Variants in COL4A4 observed in about 807,000 individuals in gnomAD.
COL4A4 encodes collagen type IV alpha 4 chain.
In COL4A4, 105 loss-of-function variants were observed where a neutral mutation model predicts 192.9. The ratio of observed to expected loss-of-function variants is 0.54; its 90% CI spans 0.46 to 0.64. The LOEUF is 0.64. Among genes scored for constraint, COL4A4 ranks in the 30% least tolerant of loss-of-function variants. The probability of loss-of-function intolerance (pLI) is 0.00; values close to 1 mark genes in which losing one functional copy is unlikely to be tolerated. For missense variants in COL4A4, 1,967 were observed against 2,169.3 expected (o/e 0.91, Z 1.85); for synonymous variants, 762 against 769.9 (o/e 0.99, Z 0.17).
chr2:227,161,691 TG>T (rs1187881870), intron 1 of COL4A4, among the ~76,000 whole-genome samples: 1 of 152,172 alleles, frequency 6.6e-6, no homozygotes, highest in Non-Finnish European at 1.5e-5. Flanking sequence ...TTGGTGAATG[TG>T]GGATCTGATT....
intron 25 of COL4A4, among the ~76,000 whole-genome samples, chr2:227,076,375 A>G (rs1365922841): frequency 1.3e-5 from 2 of 152,194 alleles, no homozygotes; most frequent in African/African-American, 2.4e-5. Context: ...ACCTGATAAA[A>G]ACAAGCTATG....
In COL4A4 at chr2:227,043,169, G is replaced by A; in HGVS notation, c.3305C>T (p.Ser1102Phe). ...AATACCAGGCAAGCCCTGCTCTCCG[G>A]ATGCTCCAAAATGCCCTAAAGAAGG... ...SPGCPGHFGA[S>F]GEQGLPGIQG... The change falls in exon 36 of 48, where the codon TCC (serine) becomes TTC (phenylalanine). Residue 1102 changes from serine to phenylalanine, a missense_variant. Coordinates refer to ENST00000396625, the MANE Select transcript of COL4A4 (RefSeq NM_000092.5). 1 of 1,614,108 alleles carries A rather than the reference G, an allele frequency of 6.2e-7. No homozygotes were observed. The highest frequency in any genetic ancestry group is 8.5e-7 in the Non-Finnish European group (1 of 1,179,970).
intron 4 of COL4A4, among the ~76,000 whole-genome samples, chr2:227,131,850 G>A (rs2062493699): frequency 1.3e-5 from 2 of 152,290 alleles, no homozygotes; most frequent in South Asian, 4.1e-4. Flanking sequence ...GGCACAGACT[G>A]AAGTGAGGCC....
At chr2:226,977,980 A>G in the COL4A4 span, among the ~76,000 whole-genome samples, 7 of 152,258 alleles carry the variant, frequency 4.6e-5, no homozygotes, top group African/African-American at 9.6e-5. Context: ...TCTTTTCTCT[A>G]TAGTATTTAA....
chr2:227,030,461 C>A lies in COL4A4; in HGVS notation c.3955G>T (p.Gly1319Ter). Residue 1319 changes from glycine to a stop codon, truncating the protein, a stop_gained, in exon 41 of 48, where the codon GGA becomes TGA. Transcript: ENST00000396625. LOFTEE classifies it high-confidence loss of function. ...PGYKGFPGCD[G>*]KDGQKGPVGF... ...TTCATACCTTTCTGGCCATCTTTTCCATCACATCCTGGAAAGCCTTTGTAT... is the reference window on the plus strand; with the variant it reads ...TTCATACCTTTCTGGCCATCTTTTCAATCACATCCTGGAAAGCCTTTGTAT... The A allele has an allele frequency of 1.9e-6, 3 of 1,614,108 alleles. No individual in the cohort carries two copies. The highest frequency in any genetic ancestry group is 2.2e-5 in the South Asian group (2 of 91,074).
chr2:227,065,562 T>G (rs993038401), intron 25 of COL4A4, among the ~76,000 whole-genome samples: 47 of 152,230 alleles, frequency 3.1e-4, no homozygotes, highest in African/African-American at 1.0e-3. Context: ...CTCAAGTGGG[T>G]CCCTGACCCC....
Position 227,031,939 on chromosome 2 carries a change from T to A in COL4A4, c.3817+6A>T. ...ACTGCCATCCTTTGTCATGATTCTC[T>A]CATACCTCTTGGGCCATCAGGACCA... is the stretch of plus-strand genomic sequence containing the variant. On this transcript the variant is annotated splice_donor_region_variant and intron_variant, in intron 40 of 47. Coordinates refer to ENST00000396625, the MANE Select transcript of COL4A4 (RefSeq NM_000092.5). 1 of 1,597,466 alleles carries A rather than the reference T, an allele frequency of 6.3e-7. No homozygotes were observed. Among genetic ancestry groups the A allele is most frequent in the Non-Finnish European group, 8.6e-7 (1 of 1,165,070 alleles).
At chr2:227,074,779 T>C (rs2058926803) in intron 25 of COL4A4, among the ~76,000 whole-genome samples, 1 of 152,134 alleles carries the variant, frequency 6.6e-6, no homozygotes, top group Admixed American at 6.6e-5. Flanking sequence ...GAGGCCATAA[T>C]TATAAATGAA....
intron 4 of COL4A4, among the ~76,000 whole-genome samples, chr2:227,126,771 CTAATT>C (rs2062115089): frequency 6.6e-6 from 1 of 152,194 alleles, no homozygotes; most frequent in South Asian, 2.1e-4. Context: ...GTTAGTTCAC[CTAATT>C]TGAGTAAATA....
At chr2:227,121,304 G>A (rs749091460) in intron 4 of COL4A4, among the ~76,000 whole-genome samples, 156 bp from the exon 5 acceptor site, 9 of 152,170 alleles carry the variant, frequency 5.9e-5, no homozygotes, top group Non-Finnish European at 8.8e-5. Flanking sequence ...GCTCACACCT[G>A]TAATCCCAGC....
chr2:227,101,529 C>A lies in COL4A4; in HGVS notation c.1004G>T (p.Gly335Val). The stretch of plus-strand genomic sequence containing the variant: ...CTTTGGGCCAATTAATCCAAATAGC[C>A]CAGGATCTCCAACCAGTCCTAGTTC... ...KGELGLVGDP[G>V]LFGLIGPKGD... The change falls in exon 17 of 48, where the codon GGG becomes GTG. Residue 335 changes from glycine (G) to valine (V), a missense_variant. By Grantham distance (109) the Gly-to-Val change is moderately radical. Coordinates refer to ENST00000396625, the MANE Select transcript of COL4A4 (RefSeq NM_000092.5). 1 of 1,612,330 alleles carries A rather than the reference C, an allele frequency of 6.2e-7. No individual in the cohort carries two copies. The highest frequency in any genetic ancestry group is 8.5e-7 in the Non-Finnish European group (1 of 1,179,190).
intron 8 of COL4A4, among the ~76,000 whole-genome samples, chr2:227,112,361 T>C (rs1161868551): frequency 6.6e-6 from 1 of 151,904 alleles, no homozygotes; most frequent in Admixed American, 6.6e-5. Flanking sequence ...CTCCACCTCC[T>C]GGATTCAAGC....
intron 15 of COL4A4, among the ~76,000 whole-genome samples, chr2:227,102,192 C>G (rs567253007): frequency 6.6e-6 from 1 of 152,346 alleles, no homozygotes; most frequent in Admixed American, 6.5e-5. Flanking sequence ...ATTTACTTAA[C>G]TTAGTGCTTG....
At chr2:227,062,632 A>G (rs774847059) in intron 25 of COL4A4, 34 bp from the exon 26 acceptor site, 1 of 1,447,276 alleles carries the variant, frequency 6.9e-7, no homozygotes, top group Non-Finnish European at 9.7e-7. Context: ...CATTCACATA[A>G]CTGATAGCCC....
At chr2:226,995,598 T>G in the COL4A4 span, 10 of 975,598 alleles carry the variant, frequency 1.0e-5, no homozygotes. Context: ...CCCTAATTCA[T>G]TTTAATTCAT....
Position 227,043,138 on chromosome 2 carries a change from C to T in COL4A4, c.3336G>A (p.Gly1112=), listed in dbSNP as rs1971793627. ...SGEQGLPGIQ[G]PRGSPGRPGP... is the part of the protein sequence containing the mutation. The stretch of plus-strand genomic sequence containing the variant: ...CTGGCCTTCCAGGTGATCCTCTGGG[C>T]CCTTGAATACCAGGCAAGCCCTGCT... The change falls in exon 36 of 48, where the codon GGG becomes GGA. Residue 1112 remains glycine, a synonymous_variant. Transcript: ENST00000396625. The T allele has an allele frequency of 6.2e-7, 1 of 1,614,084 alleles. No homozygotes were observed. The highest frequency in any genetic ancestry group is 8.5e-7 in the Non-Finnish European group (1 of 1,180,004).
Position 227,078,247 on chromosome 2 carries a change from A to AAT in COL4A4, c.1804-172_1804-171dup, listed in dbSNP as rs202009202. 4.0e-3 allele frequency among the ~76,000 whole-genome samples: 610 copies of AAT among 151,726 alleles called. 7 individuals carry two copies. Among genetic ancestry groups the AAT allele is most frequent in the African/African-American group, 0.013 (554 of 41,418 alleles). Reference sequence around the variant, plus strand: ...AACTTAGATACTTTTTAATATTTTAAATATATATATATAGAAATGGAGTCT... The same window carrying AAT: ...AACTTAGATACTTTTTAATATTTTAAATATATATATATATAGAAATGGAGTCT... On this transcript the variant is annotated intron_variant, in intron 24 of 47. Transcript: ENST00000396625.
intron 46 of COL4A4, among the ~76,000 whole-genome samples, chr2:227,009,406 AT>A (rs1483109518): frequency 1.3e-5 from 2 of 152,156 alleles, no homozygotes; most frequent in African/African-American, 4.8e-5. Context: ...CAAATCTACT[AT>A]TGAAAATTGG....
At position 227,041,780 on chromosome 2, in the gene COL4A4, AAGGAAGG is replaced by A. The variant is rs1559476113; in HGVS notation, c.3505+361_3505+367del. On this transcript the variant is annotated intron_variant, in intron 37 of 47. Transcript: ENST00000396625. ...GAAGGAAGGAAGGAAGGAAGGAAGG[AAGGAAGG>A]GAAAGAAAGAAAGAAAGGAAGAAAG... 1.2e-3 allele frequency among the ~76,000 whole-genome samples: 69 copies of A among 56,938 alleles called. 1 individual carries two copies. Among genetic ancestry groups the A allele is most frequent in the African/African-American group, 2.6e-3 (43 of 16,290 alleles). 37.4% of individuals were successfully genotyped at this position (56,938 alleles called of 152,430 possible).
Sources: allele counts gnomAD v4.1 joint callset (sites outside exome capture counted in the v4.1 genomes callset), GRCh38; gene constraint gnomAD v4.1.1; transcripts MANE v1.5; gene names NCBI Gene and HGNC (gene_info 2026-07-23, HGNC 2026-07-21).